The following OVAAL variants were observed in gnomAD, a reference collection of about 807,000 sequenced individuals.
OVAAL encodes the protein ovarian adenocarcinoma amplified long non-coding RNA.
chr1:180,560,707 G>A (rs1157299141), intron 1 of OVAAL, among the ~76,000 whole-genome samples: 2 of 152,162 alleles, frequency 1.3e-5, no homozygotes, highest in African/African-American at 4.8e-5. Context: ...AGAACATTCA[G>A]CCCACTAAAT....
chr1:180,564,184 C>T (rs1653256677), intron 2 of OVAAL, among the ~76,000 whole-genome samples: 1 of 152,124 alleles, frequency 6.6e-6, no homozygotes, highest in South Asian at 2.1e-4. Flanking sequence ...CAATCCTTTC[C>T]ATTTTTTCTA....
chr1:180,561,019 T>TG (rs1192716651), intron 1 of OVAAL, among the ~76,000 whole-genome samples: 1 of 152,072 alleles, frequency 6.6e-6, no homozygotes, highest in Non-Finnish European at 1.5e-5. Context: ...AGTCCTACGG[T>TG]GGGGCTTGAG....
At chr1:180,564,302 A>G (rs1457198726) in intron 2 of OVAAL, among the ~76,000 whole-genome samples, 1 of 152,186 alleles carries the variant, frequency 6.6e-6, no homozygotes. Context: ...ATAAATGAAT[A>G]CTTGTAAGTA....
chr1:180,563,327 C>T (rs905292931), intron 2 of OVAAL, among the ~76,000 whole-genome samples: 3 of 152,134 alleles, frequency 2.0e-5, no homozygotes, highest in Non-Finnish European at 4.4e-5. Flanking sequence ...TCTTGTCTTA[C>T]TGAGTATAGC....
chr1:180,560,148 G>T (rs972044651), intron 1 of OVAAL, among the ~76,000 whole-genome samples: 1 of 152,074 alleles, frequency 6.6e-6, no homozygotes, highest in Non-Finnish European at 1.5e-5. Context: ...GGCAGAAATG[G>T]AATCAAAATG....
intron 2 of OVAAL, among the ~76,000 whole-genome samples, chr1:180,564,077 A>AC (rs1156834981): frequency 1.1e-3 from 171 of 152,252 alleles, no homozygotes; most frequent in African/African-American, 3.9e-3. Context: ...TTTGAGAGTG[A>AC]AGGGGGGCAC....
At chr1:180,564,225 C>T (rs1653257043) in intron 2 of OVAAL, among the ~76,000 whole-genome samples, 1 of 151,904 alleles carries the variant, frequency 6.6e-6, no homozygotes, top group Non-Finnish European at 1.5e-5. Flanking sequence ...AATTAAAACA[C>T]AGCATTTGAG....
chr1:180,566,157 G>A (rs1030705469), exon 3 of OVAAL: 6 of 152,236 alleles, frequency 3.9e-5, no homozygotes, highest in Non-Finnish European at 8.8e-5. Context: ...ATGTGCAAGA[G>A]TATTTGTCTC....
chr1:180,562,446 G>A (rs963970633), intron 2 of OVAAL: 2 of 152,274 alleles, frequency 1.3e-5, no homozygotes, highest in South Asian at 2.1e-4. Context: ...CTAAGGTATC[G>A]AGGGTCTCAG....
intron 2 of OVAAL, among the ~76,000 whole-genome samples, chr1:180,562,820 T>A (rs1653231610): frequency 6.6e-6 from 1 of 152,226 alleles, no homozygotes; most frequent in Admixed American, 6.5e-5. Context: ...CAGGCCACTA[T>A]AGTTAGAGTG....
At chr1:180,561,071 G>A (rs61811628) in intron 1 of OVAAL, among the ~76,000 whole-genome samples, 5,978 of 152,158 alleles carry the variant, frequency 0.039, 155 homozygotes, top group Non-Finnish European at 0.053. Flanking sequence ...TAATAGAAAA[G>A]GGCACAAAAA....
intron 2 of OVAAL, among the ~76,000 whole-genome samples, chr1:180,562,910 C>T (rs981503519): frequency 6.6e-6 from 1 of 152,238 alleles, no homozygotes; most frequent in Non-Finnish European, 1.5e-5. Flanking sequence ...GACTAATTTC[C>T]TAGTCACAAA....
intron 2 of OVAAL, among the ~76,000 whole-genome samples, chr1:180,562,694 C>T (rs1653225309): frequency 6.6e-6 from 1 of 152,122 alleles, no homozygotes; most frequent in South Asian, 2.1e-4. Context: ...TCAAGGGACA[C>T]AAGGTATTCA....
chr1:180,560,365 GCA>G (rs1379975743), intron 1 of OVAAL, among the ~76,000 whole-genome samples: 1 of 152,126 alleles, frequency 6.6e-6, no homozygotes, highest in Non-Finnish European at 1.5e-5. Flanking sequence ...TTCCTGGGAG[GCA>G]CTGTGCCAGC....
intron 2 of OVAAL, among the ~76,000 whole-genome samples, chr1:180,563,341 G>A (rs1653238793): frequency 6.6e-6 from 1 of 152,220 alleles, no homozygotes; most frequent in African/African-American, 2.4e-5. Flanking sequence ...GTATAGCCAA[G>A]TATTCACAGT....
At chr1:180,564,395 ATTC>A (rs918164065) in intron 2 of OVAAL, among the ~76,000 whole-genome samples, 8 of 152,166 alleles carry the variant, frequency 5.3e-5, no homozygotes, top group African/African-American at 1.7e-4. Flanking sequence ...GGCATTCTGT[ATTC>A]TTATTTGCTG....
intron 2 of OVAAL, among the ~76,000 whole-genome samples, chr1:180,564,898 C>T (rs370996292): frequency 3.9e-5 from 6 of 152,280 alleles, no homozygotes; most frequent in African/African-American, 1.4e-4. Flanking sequence ...CATGGGTTCC[C>T]AAAAGTTCCC....
At chr1:180,566,408 G>A (rs1329434754) in exon 3 of OVAAL, 1 of 152,218 alleles carries the variant, frequency 6.6e-6, no homozygotes, top group Non-Finnish European at 1.5e-5. Flanking sequence ...ACCAGTCAGT[G>A]TTTTCTTGTA....
At chr1:180,561,559 G>T (rs981065989) in intron 1 of OVAAL, among the ~76,000 whole-genome samples, 2 of 152,170 alleles carry the variant, frequency 1.3e-5, no homozygotes, top group African/African-American at 4.8e-5. Flanking sequence ...ACTCAGCCTG[G>T]CTGAGGCTTG....
Sources: gnomAD v4.1 joint callset for allele counts (sites outside exome capture counted in the v4.1 genomes callset) on GRCh38, gnomAD v4.1.1 for gene constraint, MANE v1.5 for transcripts, NCBI Gene and HGNC (gene_info 2026-07-23, HGNC 2026-07-21) for gene names.